SLC24A4: variants seen among roughly 807,000 people sequenced by gnomAD.
The protein encoded by SLC24A4 is solute carrier family 24 member 4, also known as sodium/potassium/calcium exchanger 4.
In SLC24A4, 53 loss-of-function variants were observed where a neutral mutation model predicts 79.0. That is an observed-to-expected ratio of 0.67 (90% CI 0.54 to 0.84). The LOEUF is 0.84. Ranked by LOEUF, SLC24A4 falls within the 40% of genes least tolerant of loss-of-function variation. The pLI, the probability that SLC24A4 is intolerant of heterozygous loss-of-function variation, is 0.00. For synonymous variants in SLC24A4, 323 were observed against 323.8 expected (o/e 1.00, Z 0.03); for missense variants, 731 against 822.0 (o/e 0.89, Z 1.35).
At chr14:92,407,417 T>G (rs1255408392) in intron 2 of SLC24A4, among the ~76,000 whole-genome samples, 2 of 152,240 alleles carry the variant, frequency 1.3e-5, no homozygotes, top group African/African-American at 4.8e-5. Context: ...TCAGGCATCT[T>G]TATAGCAGTA....
chr14:92,383,573 CT>C (rs983068174), intron 2 of SLC24A4, among the ~76,000 whole-genome samples: 2 of 152,212 alleles, frequency 1.3e-5, no homozygotes, highest in African/African-American at 4.8e-5. Context: ...TCCCCCCTGG[CT>C]GCAGCTCAAG....
At chr14:92,438,310 C>T (rs751648522) in intron 3 of SLC24A4, among the ~76,000 whole-genome samples, 9 of 152,096 alleles carry the variant, frequency 5.9e-5, no homozygotes, top group Admixed American at 2.0e-4. Flanking sequence ...AAGGATATTA[C>T]CAAGGATACA....
intron 2 of SLC24A4, among the ~76,000 whole-genome samples, chr14:92,370,792 C>T (rs1049186700): frequency 3.3e-5 from 5 of 152,182 alleles, no homozygotes; most frequent in Admixed American, 6.5e-5. Context: ...ATTAAGGCCT[C>T]TTGTGAGAGT....
intron 2 of SLC24A4, among the ~76,000 whole-genome samples, chr14:92,378,171 C>G (rs1464566619): frequency 6.6e-6 from 1 of 152,154 alleles, no homozygotes; most frequent in East Asian, 1.9e-4. Flanking sequence ...GGCACAAATA[C>G]ACATGTGATT....
At chr14:92,347,923 C>T (rs1281863439) in intron 2 of SLC24A4, among the ~76,000 whole-genome samples, 3 of 151,144 alleles carry the variant, frequency 2.0e-5, no homozygotes, top group Non-Finnish European at 4.4e-5. Context: ...GAGACTCCAT[C>T]TAAAAAAACA....
chr14:92,455,990 C>T (rs534022756), intron 11 of SLC24A4, among the ~76,000 whole-genome samples: 3 of 152,278 alleles, frequency 2.0e-5, no homozygotes, highest in African/African-American at 7.2e-5. Flanking sequence ...CATGAGCCAC[C>T]GTGCCCGGCA....
rs773094509 is a variant in SLC24A4, at chr14:92,492,157, G to A, written c.1651-18G>A. On this transcript the variant is annotated intron_variant, in intron 15 of 16. Coordinates refer to ENST00000532405, the MANE Select transcript of SLC24A4 (RefSeq NM_153646.4). ...TGAGCAGTCAAGAGACTCAGGGCAC[G>A]TGTGTTTGATTTTCCAGGTGAAGAT... The A allele has an allele frequency of 1.4e-5, 22 of 1,606,266 alleles. No individual in the cohort carries two copies. Among genetic ancestry groups the A allele is most frequent in the Admixed American group, 6.8e-5 (4 of 59,248 alleles).
intron 2 of SLC24A4, among the ~76,000 whole-genome samples, chr14:92,347,181 G>GT (rs1225135070): frequency 6.6e-6 from 1 of 152,178 alleles, no homozygotes; most frequent in Non-Finnish European, 1.5e-5. Flanking sequence ...CTCCTGGGGA[G>GT]TTAGTGATAC....
At chr14:92,420,793 C>T (rs1391460709) in intron 2 of SLC24A4, among the ~76,000 whole-genome samples, 1 of 149,378 alleles carries the variant, frequency 6.7e-6, no homozygotes, top group Non-Finnish European at 1.5e-5. Context: ...CTGAGAATAC[C>T]CACGGTGGGC....
intron 12 of SLC24A4, among the ~76,000 whole-genome samples, chr14:92,472,594 G>A (rs537954291): frequency 6.6e-6 from 1 of 152,050 alleles, no homozygotes; most frequent in Non-Finnish European, 1.5e-5. Flanking sequence ...CCTTTTTATA[G>A]CTGAGTAGTA....
chr14:92,447,649 G>C (rs537665827), intron 9 of SLC24A4, among the ~76,000 whole-genome samples: 1 of 152,332 alleles, frequency 6.6e-6, no homozygotes, highest in East Asian at 1.9e-4. Context: ...TCACGCTGGT[G>C]GCTGATGTGT....
chr14:92,489,347 G>C (rs1302186649), intron 14 of SLC24A4, among the ~76,000 whole-genome samples: 3 of 152,116 alleles, frequency 2.0e-5, no homozygotes, highest in Non-Finnish European at 4.4e-5. Flanking sequence ...GCTGAGGCAG[G>C]AGAATTGCTT....
At chr14:92,467,352 C>G (rs1471591254) in intron 12 of SLC24A4, among the ~76,000 whole-genome samples, 2 of 152,206 alleles carry the variant, frequency 1.3e-5, no homozygotes, top group Non-Finnish European at 2.9e-5. Flanking sequence ...AAATCCAACA[C>G]ATTTTCTTGA....
chr14:92,470,480 T>C (rs950566331), intron 12 of SLC24A4, among the ~76,000 whole-genome samples: 2 of 152,226 alleles, frequency 1.3e-5, no homozygotes, highest in African/African-American at 4.8e-5. Flanking sequence ...TCTTAATTTT[T>C]TTCTCCAGTC....
intron 2 of SLC24A4, among the ~76,000 whole-genome samples, chr14:92,368,476 C>T (rs1375742457): frequency 2.6e-5 from 4 of 152,056 alleles, no homozygotes; most frequent in African/African-American, 9.7e-5. Flanking sequence ...GGGATTGGGG[C>T]CCTAGCTGTT....
intron 2 of SLC24A4, among the ~76,000 whole-genome samples, chr14:92,397,869 T>C (rs1169930675): frequency 6.6e-6 from 1 of 152,162 alleles, no homozygotes; most frequent in African/African-American, 2.4e-5. Flanking sequence ...TAGAAGCAAA[T>C]GACATACTGA....
chr14:92,472,300 C>T (rs1210306714), intron 12 of SLC24A4, among the ~76,000 whole-genome samples: 1 of 152,140 alleles, frequency 6.6e-6, no homozygotes, highest in African/African-American at 2.4e-5. Context: ...TATTTGGTTA[C>T]ATGAGAAAGT....
intron 2 of SLC24A4, among the ~76,000 whole-genome samples, chr14:92,428,934 A>G (rs1052948631): frequency 1.3e-5 from 2 of 152,256 alleles, no homozygotes; most frequent in Non-Finnish European, 2.9e-5. Flanking sequence ...AGAAGGCTAC[A>G]TATTACATGA....
chr14:92,326,546 T>C (rs8022442), intron 2 of SLC24A4, among the ~76,000 whole-genome samples: 59,595 of 152,082 alleles, frequency 0.39, 14,337 homozygotes, highest in East Asian at 0.54. Flanking sequence ...CTTGGGGGTT[T>C]GAGGCAGTAG....
Sources: gnomAD v4.1 joint callset for allele counts (sites outside exome capture counted in the v4.1 genomes callset) on GRCh38, gnomAD v4.1.1 for gene constraint, MANE v1.5 for transcripts, NCBI Gene and HGNC (gene_info 2026-07-23, HGNC 2026-07-21) for gene names.